The following STAT4 variants were observed in gnomAD, a reference collection of about 807,000 sequenced individuals.
STAT4 encodes signal transducer and activator of transcription 4.
In STAT4, 42 loss-of-function variants were observed where a neutral mutation model predicts 110.5. The ratio of observed to expected loss-of-function variants is 0.38; its 90% confidence interval spans 0.30 to 0.49. The LOEUF (loss-of-function observed/expected upper bound fraction) is 0.49, where lower values mean the gene tolerates loss of function less well. STAT4 is among the 20% of genes least tolerant of loss of function. The probability of loss-of-function intolerance (pLI) is 0.95; values close to 1 mark genes in which losing one functional copy is unlikely to be tolerated. For synonymous variants in STAT4, 284 were observed against 302.2 expected, an observed-to-expected ratio of 0.94 and a Z score of 0.63; for missense variants, 632 against 887.9, an observed-to-expected ratio of 0.71 and a Z score of 3.66.
chr2:191,052,516 G>T (rs1696557550), intron 14 of STAT4, among the ~76,000 whole-genome samples: 1 of 152,226 alleles, frequency 6.6e-6, no homozygotes, highest in Non-Finnish European at 1.5e-5. Context: ...TAACACAGTG[G>T]TTGGTTTTTC....
chr2:191,069,880 CAACCAAAG>C (rs1697094412), intron 5 of STAT4, 109 bp from the exon 6 acceptor site: 1 of 770,134 alleles, frequency 1.3e-6, no homozygotes, highest in Non-Finnish European at 2.1e-6. Flanking sequence ...TCTCCAACAG[CAACCAAAG>C]ACCATAATGA....
chr2:191,133,621 C>T (rs1054602121), intron 3 of STAT4, among the ~76,000 whole-genome samples: 10 of 151,562 alleles, frequency 6.6e-5, no homozygotes, highest in African/African-American at 2.4e-4. Flanking sequence ...TTCTTCTTTG[C>T]ACTTTTTGTG....
chr2:191,047,852 G>C (rs535989532), intron 14 of STAT4, among the ~76,000 whole-genome samples: 3 of 152,248 alleles, frequency 2.0e-5, no homozygotes, highest in African/African-American at 7.2e-5. Flanking sequence ...TTTTAGTAGG[G>C]ACAGGGTTTT....
intron 3 of STAT4, among the ~76,000 whole-genome samples, chr2:191,130,287 A>G (rs2125413466): frequency 6.7e-6 from 1 of 148,350 alleles, no homozygotes; most frequent in Non-Finnish European, 1.5e-5. Flanking sequence ...CAGTGGCACA[A>G]TCTCAGCTCA....
Position 191,033,943 on chromosome 2 carries a change from A to G in STAT4, c.1683T>C (p.Ile561=). 1 of 1,612,332 alleles carries G rather than the reference A, an allele frequency of 6.2e-7. No homozygotes were observed. Among genetic ancestry groups the G allele is most frequent in the South Asian group, 1.1e-5 (1 of 90,530 alleles). The part of the protein sequence containing the change: ...WTWLEAILDL[I]KKHILPLWID... ...TCCAAAGGGGAAGAATGTGTTTCTT[A>G]ATTAGATCCAATATTGCTTCAAGCC... Residue 561 remains isoleucine, a synonymous_variant, in exon 19 of 24, where the codon ATT becomes ATC. Transcript: ENST00000392320. The surrounding 1 kb of genome is among the most constrained non-coding windows in gnomAD (Gnocchi z 6.9).
chr2:191,096,815 A>T (rs1232941612), intron 3 of STAT4, among the ~76,000 whole-genome samples: 1 of 152,218 alleles, frequency 6.6e-6, no homozygotes, highest in East Asian at 1.9e-4. Context: ...AATTAGGAAA[A>T]AAGGAAGTCA....
intron 3 of STAT4, among the ~76,000 whole-genome samples, chr2:191,115,942 C>A (rs900542488): frequency 6.6e-6 from 1 of 152,186 alleles, no homozygotes; most frequent in African/African-American, 2.4e-5. Context: ...GGGCTACTTA[C>A]AGAAGGCCAG....
At chr2:191,081,987 T>G (rs1303526001) in intron 3 of STAT4, among the ~76,000 whole-genome samples, 1 of 152,196 alleles carries the variant, frequency 6.6e-6, no homozygotes, top group Non-Finnish European at 1.5e-5. Context: ...AAATTGATGT[T>G]GTACATCTTA....
intron 6 of STAT4, chr2:191,068,731 A>G (rs1397148320): frequency 6.6e-6 from 1 of 152,170 alleles, no homozygotes; most frequent in Non-Finnish European, 1.5e-5. Context: ...TTACATAAAC[A>G]TAGTAAGCAC....
In STAT4 at chr2:191,046,418, C is replaced by T. The variant is rs999952732; in HGVS notation, c.1252-5270G>A. On this transcript the variant is annotated intron_variant, in intron 14 of 23. Transcript: ENST00000392320. The surrounding 1 kb of genome is among the most constrained non-coding windows in gnomAD (Gnocchi z 4.6). ...TACCTCTGTGAAGGGCCTCGCATGA[C>T]CAGTGTGGCCTCTAGGTCTCTCCTG... 6.6e-6 allele frequency among the ~76,000 whole-genome samples: 1 copy of T among 152,132 alleles called. No individual in the cohort carries two copies. The highest frequency in any genetic ancestry group is 2.4e-5 in the African/African-American group (1 of 41,416).
chr2:191,067,727 C>G (rs574160555), intron 6 of STAT4, among the ~76,000 whole-genome samples: 3 of 152,120 alleles, frequency 2.0e-5, no homozygotes, highest in African/African-American at 7.2e-5. Context: ...CCTTTTTCTC[C>G]TACTGATCTA....
chr2:191,047,999 G>A (rs991669534), intron 14 of STAT4, among the ~76,000 whole-genome samples: 19 of 152,128 alleles, frequency 1.2e-4, no homozygotes, highest in Non-Finnish European at 4.4e-5. Context: ...ATATACATAC[G>A]ATAATTCAGT....
chr2:191,045,427 A>C (rs1035016743), intron 14 of STAT4, among the ~76,000 whole-genome samples: 1 of 152,208 alleles, frequency 6.6e-6, no homozygotes, highest in Non-Finnish European at 1.5e-5. Flanking sequence ...CATTGTGTTT[A>C]ATCTCAAAAA....
At position 191,031,613 on chromosome 2, in the gene STAT4, G is replaced by C; in HGVS notation, c.2045-97C>G. The C allele has an allele frequency of 1.0e-6, 1 of 955,912 alleles. No individual in the cohort carries two copies. Among genetic ancestry groups the C allele is most frequent in the East Asian group, 2.6e-5 (1 of 38,776 alleles). 59.2% of individuals were successfully genotyped at this position (955,912 alleles called of 1,614,324 possible). ...TCTAGAAAAATATTAACAATGATAA[G>C]AGGAAGAGAGATAACGCAGTTGTTC... is the stretch of plus-strand genomic sequence containing the variant. On this transcript the variant is annotated intron_variant, in intron 21 of 23. Coordinates refer to ENST00000392320, the MANE Select transcript of STAT4 (RefSeq NM_003151.4). The surrounding 1 kb of genome is among the most constrained non-coding windows in gnomAD (Gnocchi z 4.8).
In STAT4 at chr2:191,104,597, A is replaced by T. The variant is rs1698227623; in HGVS notation, c.274-28272T>A. 6.6e-6 allele frequency among the ~76,000 whole-genome samples: 1 copy of T among 152,214 alleles called. No homozygotes were observed. Among genetic ancestry groups the T allele is most frequent in the African/African-American group, 2.4e-5 (1 of 41,458 alleles). On this transcript the variant is annotated intron_variant, in intron 3 of 23. Transcript: ENST00000392320. This position sits in a 1 kb window ranked among gnomAD's most constrained non-coding sequence, Gnocchi z 4.3. ...AAAATTGTCAACTTTTGATTTTGCT[A>T]AATAAGTATATATTAAACAAAGGTC...
intron 3 of STAT4, among the ~76,000 whole-genome samples, chr2:191,102,037 ACCT>A (rs1373757278): frequency 1.4e-5 from 2 of 144,562 alleles, no homozygotes; most frequent in East Asian, 4.0e-4. Context: ...CTCCTCTAAT[ACCT>A]CATTTTAGGT....
In STAT4 at chr2:191,033,149, C is replaced by T. The variant is rs776987023; in HGVS notation, c.1853G>A (p.Gly618Glu). ...TTCTACAGAGTGGAATCTCACTTCC[C>T]CTTGAAAAACAGAAATTGGAGAAAT... ...TFTWVDHSES[G>E]EVRFHSVEPY... The change falls in exon 21 of 24, where the codon GGG (glycine) becomes GAG (glutamate). Residue 618 changes from glycine to glutamate, a missense_variant and splice_region_variant. This residue lies in a region of STAT4 where 74 missense variants were observed against 154.3 expected (regional missense o/e 0.48). Transcript: ENST00000392320. The surrounding 1 kb of genome is among the most constrained non-coding windows in gnomAD (Gnocchi z 6.9). The T allele has an allele frequency of 2.5e-6, 4 of 1,611,524 alleles. No homozygotes were observed. The highest frequency in any genetic ancestry group is 3.4e-6 in the Non-Finnish European group (4 of 1,179,144).
Position 191,069,733 on chromosome 2 carries a change from T to C in STAT4, c.504A>G (p.Gln168=), listed in dbSNP as rs35918099. The C allele has an allele frequency of 8.9e-5, 143 of 1,609,810 alleles. 1 individual carries two copies. The highest frequency in any genetic ancestry group is 1.4e-4 in the Admixed American group (8 of 59,064). ...EQDTKYLEDL[Q]DEFDYRYKTI... is the part of the protein sequence containing the mutation. ...TTTTATACCTGTAGTCAAATTCGTC[T>C]TGCAGATCTTCTAAGTATTTGGTAT... The change falls in exon 6 of 24, where the codon CAA becomes CAG. Residue 168 remains glutamine (Q), a synonymous_variant. Coordinates refer to ENST00000392320, the MANE Select transcript of STAT4 (RefSeq NM_003151.4).
In STAT4 at chr2:191,116,548, A is replaced by C. The variant is rs570040082; in HGVS notation, c.273+30065T>G. 1.3e-3 allele frequency among the ~76,000 whole-genome samples: 193 copies of C among 152,348 alleles called. 2 individuals carry two copies. The highest frequency in any genetic ancestry group is 4.6e-3 in the African/African-American group (193 of 41,584). ...CTTATAGATTTAGAATTTTTTTAAA[A>C]GCATATTGCATGAAATTTAGACAAA... On this transcript the variant is annotated intron_variant, in intron 3 of 23. Coordinates refer to ENST00000392320, the MANE Select transcript of STAT4 (RefSeq NM_003151.4). The surrounding 1 kb of genome is among the most constrained non-coding windows in gnomAD (Gnocchi z 4.1).
Sources: allele counts gnomAD v4.1 joint callset (sites outside exome capture counted in the v4.1 genomes callset), GRCh38; gene constraint gnomAD v4.1.1; regional missense constraint gnomAD v4.1.1; non-coding constraint Gnocchi (gnomAD v3.1); transcripts MANE v1.5; gene names NCBI Gene and HGNC (gene_info 2026-07-23, HGNC 2026-07-21).